The following KIAA1328 variants were observed in gnomAD, a reference collection of about 807,000 sequenced individuals.
KIAA1328 encodes KIAA1328, also known as protein hinderin.
KIAA1328 carries 52 observed loss-of-function variants against 68.1 expected under a neutral mutation model. The observed-to-expected ratio is 0.76, with a 90% CI of 0.61 to 0.96. KIAA1328 has a LOEUF of 0.96. KIAA1328 is among the 40% of genes least tolerant of loss of function. The pLI, the probability that KIAA1328 is intolerant of heterozygous loss-of-function variation, is 0.00. For synonymous variants in KIAA1328, 232 were observed against 239.4 expected, an observed-to-expected ratio of 0.97 and a Z score of 0.28; for missense variants, 641 against 677.6, an observed-to-expected ratio of 0.95 and a Z score of 0.60.
intron 6 of KIAA1328, among the ~76,000 whole-genome samples, chr18:37,062,498 C>A (rs1233028922): frequency 1.5e-4 from 22 of 151,492 alleles, no homozygotes; most frequent in African/African-American, 5.1e-4. Context: ...TAGAGTCGCC[C>A]AGGCTGGAGT....
intron 6 of KIAA1328, among the ~76,000 whole-genome samples, chr18:37,041,492 CTT>C (rs1465040832): frequency 2.6e-5 from 4 of 151,820 alleles, no homozygotes; most frequent in African/African-American, 4.8e-5. Flanking sequence ...GTTTGACAAT[CTT>C]TGTCTTGTGG....
chr18:37,035,215 A>T (rs2054979031), intron 6 of KIAA1328, among the ~76,000 whole-genome samples: 1 of 152,222 alleles, frequency 6.6e-6, no homozygotes, highest in Non-Finnish European at 1.5e-5. Flanking sequence ...AGCCAGGTGG[A>T]ATCCATCATG....
chr18:36,877,975 G>T (rs2048195957), intron 4 of KIAA1328, among the ~76,000 whole-genome samples: 2 of 152,054 alleles, frequency 1.3e-5, no homozygotes, highest in South Asian at 4.2e-4. Context: ...CCCAGTCTGT[G>T]TCTTTTAATT....
intron 4 of KIAA1328, among the ~76,000 whole-genome samples, chr18:36,845,080 G>A (rs2046982420): frequency 2.6e-5 from 4 of 151,798 alleles, no homozygotes; most frequent in African/African-American, 9.6e-5. Context: ...TAAAAAGACT[G>A]AAGTTAAAAA....
intron 5 of KIAA1328, among the ~76,000 whole-genome samples, chr18:36,901,563 A>T (rs975331722): frequency 6.6e-6 from 1 of 152,078 alleles, no homozygotes; most frequent in African/African-American, 2.4e-5. Flanking sequence ...GACAGTGAAC[A>T]TGAAGTCACT....
intron 7 of KIAA1328, among the ~76,000 whole-genome samples, chr18:37,097,973 G>A (rs912880923): frequency 7.9e-5 from 12 of 152,112 alleles, no homozygotes; most frequent in South Asian, 2.1e-4. Context: ...GAGATTTTGG[G>A]CTGAGACAGT....
At chr18:36,948,421 C>T (rs2050996974) in intron 5 of KIAA1328, among the ~76,000 whole-genome samples, 1 of 151,510 alleles carries the variant, frequency 6.6e-6, no homozygotes, top group Non-Finnish European at 1.5e-5. Flanking sequence ...GCCACCACGC[C>T]TGGCTAATTT....
chr18:36,854,504 A>G (rs1405941222), intron 4 of KIAA1328, among the ~76,000 whole-genome samples: 2 of 152,046 alleles, frequency 1.3e-5, no homozygotes, highest in Non-Finnish European at 2.9e-5. Flanking sequence ...ATTTCTTTGG[A>G]TGGCTGTGAG....
chr18:36,903,996 A>G (rs1230692197), intron 5 of KIAA1328, among the ~76,000 whole-genome samples: 1 of 152,152 alleles, frequency 6.6e-6, no homozygotes, highest in Non-Finnish European at 1.5e-5. Flanking sequence ...TGATCTGTAC[A>G]TTGAAGCATT....
At chr18:37,006,667 G>A (rs1460481794) in intron 6 of KIAA1328, among the ~76,000 whole-genome samples, 3 of 151,688 alleles carry the variant, frequency 2.0e-5, no homozygotes, top group East Asian at 1.9e-4. Context: ...ATCCCTCCCC[G>A]CTCCCCCAAC....
intron 7 of KIAA1328, among the ~76,000 whole-genome samples, chr18:37,089,261 C>T (rs1010514820): frequency 1.1e-4 from 16 of 151,642 alleles, no homozygotes; most frequent in East Asian, 3.9e-4. Context: ...AATAGTATCT[C>T]TTCCAGAAAT....
At chr18:37,126,135 A>C (rs1445924350) in intron 7 of KIAA1328, among the ~76,000 whole-genome samples, 3 of 152,208 alleles carry the variant, frequency 2.0e-5, no homozygotes, top group Non-Finnish European at 2.9e-5. Context: ...AACTTATTAA[A>C]ATGATTGTAT....
chr18:37,059,695 AC>A (rs1252095474), intron 6 of KIAA1328, among the ~76,000 whole-genome samples: 2 of 152,220 alleles, frequency 1.3e-5, no homozygotes, highest in African/African-American at 4.8e-5. Context: ...CTGGGTATAT[AC>A]CTAAAGGATT....
At chr18:37,186,820 A>G (rs1568510599) in intron 9 of KIAA1328, among the ~76,000 whole-genome samples, 3 of 152,146 alleles carry the variant, frequency 2.0e-5, no homozygotes, top group African/African-American at 7.2e-5. Context: ...TAAGGCTTTC[A>G]TTGATTTTCT....
intron 4 of KIAA1328, among the ~76,000 whole-genome samples, chr18:36,871,758 C>T (rs2047952502): frequency 6.6e-6 from 1 of 151,918 alleles, no homozygotes; most frequent in East Asian, 1.9e-4. Flanking sequence ...GGGCAACCAA[C>T]CAAGCAGAAA....
At chr18:37,075,869 C>G (rs140187868) in intron 7 of KIAA1328, among the ~76,000 whole-genome samples, 3,478 of 152,254 alleles carry the variant, frequency 0.023, 113 homozygotes, top group African/African-American at 0.079. Flanking sequence ...CTTAGACTCC[C>G]ACAGAATAAT....
At chr18:36,955,327 T>C (rs2051365660) in intron 5 of KIAA1328, among the ~76,000 whole-genome samples, 1 of 150,766 alleles carries the variant, frequency 6.6e-6, no homozygotes, top group South Asian at 2.1e-4. Context: ...TTTTTTTTTT[T>C]TTTTGATGGA....
chr18:36,894,295 A>G (rs921796471), intron 5 of KIAA1328, among the ~76,000 whole-genome samples: 3 of 152,212 alleles, frequency 2.0e-5, no homozygotes, highest in African/African-American at 7.2e-5. Context: ...TCAAAAGCAT[A>G]TACCTTAAGT....
chr18:37,061,970 A>G (rs1389414145), intron 6 of KIAA1328, among the ~76,000 whole-genome samples: 1 of 152,240 alleles, frequency 6.6e-6, no homozygotes, highest in Non-Finnish European at 1.5e-5. Context: ...GAGAAGAATC[A>G]TACTAATAAT....
Sources: allele counts gnomAD v4.1 joint callset (sites outside exome capture counted in the v4.1 genomes callset), GRCh38; gene constraint gnomAD v4.1.1; transcripts MANE v1.5; gene names NCBI Gene and HGNC (gene_info 2026-07-23, HGNC 2026-07-21).